Variants in MND1 observed in about 807,000 individuals in gnomAD.
The protein encoded by MND1 is meiotic nuclear divisions 1, also known as meiotic nuclear division protein 1 homolog.
MND1 carries 28 observed loss-of-function variants against 35.1 expected under a neutral mutation model. The observed-to-expected ratio is 0.80, with a 90% CI of 0.59 to 1.09. The LOEUF is 1.09. MND1 is among the 50% of genes least tolerant of loss of function. The pLI, the probability that MND1 is intolerant of heterozygous loss-of-function variation, is 0.00. For synonymous variants in MND1, 69 were observed against 70.5 expected (o/e 0.98, Z 0.11); for missense variants, 213 against 239.6 (o/e 0.89, Z 0.73).
intron 4 of MND1, among the ~76,000 whole-genome samples, chr4:153,375,324 T>G (rs1400188171): frequency 6.6e-6 from 1 of 152,156 alleles, no homozygotes; most frequent in Non-Finnish European, 1.5e-5. Flanking sequence ...TACACTTGCA[T>G]GAAGTACGTA....
chr4:153,370,288 A>G (rs980458192), intron 4 of MND1, among the ~76,000 whole-genome samples: 1 of 151,940 alleles, frequency 6.6e-6, no homozygotes, highest in African/African-American at 2.4e-5. Context: ...TCTCAAAAAA[A>G]GAAGCAATTT....
chr4:153,414,851 A>C lies in MND1; in HGVS notation c.612A>C (p.Ile204=). The change falls in exon 8 of 8, where the codon ATA becomes ATC. Residue 204 remains isoleucine, a synonymous_variant. Coordinates refer to ENST00000240488, the MANE Select transcript of MND1 (RefSeq NM_032117.4). Reference sequence around the variant, plus strand: ...GAATTCCAGAAGACTTTGACTACATAGACTAAAATATTCCATGGTGGTGAA... The same window carrying C: ...GAATTCCAGAAGACTTTGACTACATCGACTAAAATATTCCATGGTGGTGAA... ...TFGIPEDFDY[I]D 7.3e-7 allele frequency: 1 copy of C among 1,368,248 alleles called. No homozygotes were observed. The highest frequency in any genetic ancestry group is 1.4e-5 in the South Asian group (1 of 72,680). The allele number at this position is 1,368,248 out of a possible 1,614,324, so 84.8% of individuals were successfully genotyped here.
intron 4 of MND1, among the ~76,000 whole-genome samples, chr4:153,391,749 CAT>C (rs995141170): frequency 4.6e-5 from 7 of 151,650 alleles, no homozygotes; most frequent in East Asian, 3.9e-4. Context: ...CACACACACA[CAT>C]ACATACATAT....
intron 3 of MND1, among the ~76,000 whole-genome samples, chr4:153,357,983 C>G (rs1315606163): frequency 6.6e-6 from 1 of 152,132 alleles, no homozygotes; most frequent in African/African-American, 2.4e-5. Context: ...AGCACTGATG[C>G]TAGCATCTTC....
Position 153,344,758 on chromosome 4 carries a change from G to C in MND1, c.3+18G>C, listed in dbSNP as rs531084552. ...GCGCCATGGTAAGGACTGAGGCTAC[G>C]GTCCCGCGTCTTCTTCCTCCCTAGT... On this transcript the variant is annotated intron_variant, in intron 1 of 7. Coordinates refer to ENST00000240488, the MANE Select transcript of MND1 (RefSeq NM_032117.4). 7 of 1,600,694 alleles carry C rather than the reference G, an allele frequency of 4.4e-6. No individual in the cohort carries two copies. The South Asian group carries it at 6.7e-5, about 15-fold the overall frequency.
Position 153,397,259 on chromosome 4 carries a change from G to A in MND1, c.392G>A (p.Arg131Gln), listed in dbSNP as rs748702473. Residue 131 changes from arginine to glutamine, a missense_variant, in exon 6 of 8, where the codon CGA becomes CAA. By Grantham distance (43) the Arg-to-Gln change is conservative. Transcript: ENST00000240488. The stretch of plus-strand genomic sequence containing the variant: ...CTAGCAAAAGAGCTTTCTTCACTTC[G>A]AGACCAAAGGGAACAGCTAAAGGCA... ...TRLAKELSSL[R>Q]DQREQLKAEV... The A allele has an allele frequency of 6.8e-6, 11 of 1,612,256 alleles. No individual in the cohort carries two copies. Among genetic ancestry groups the A allele is most frequent in the East Asian group, 2.2e-5 (1 of 44,838 alleles).
At chr4:153,386,099 A>G (rs973975007) in intron 4 of MND1, among the ~76,000 whole-genome samples, 2 of 152,172 alleles carry the variant, frequency 1.3e-5, no homozygotes, top group Admixed American at 1.3e-4. Flanking sequence ...TAGGTCACCT[A>G]TGGGAAATCT....
chr4:153,396,911 T>TA (rs34372409), intron 5 of MND1, among the ~76,000 whole-genome samples: 31,307 of 152,056 alleles, frequency 0.21, 3,376 homozygotes, highest in South Asian at 0.23. Flanking sequence ...TTCTGTAACA[T>TA]ACAACGACAT....
chr4:153,381,799 G>A (rs1728715444), intron 4 of MND1: 1 of 139,910 alleles, frequency 7.1e-6, no homozygotes, highest in Non-Finnish European at 1.5e-5. Context: ...CTACTGATCA[G>A]CATGGGAGTT....
chr4:153,360,735 G>A (rs1773465061), intron 4 of MND1, among the ~76,000 whole-genome samples: 1 of 148,744 alleles, frequency 6.7e-6, no homozygotes, highest in Admixed American at 6.7e-5. Flanking sequence ...CTTGCTTTGT[G>A]TGTATATGTA....
At chr4:153,367,729 G>A (rs1193266074) in intron 4 of MND1, among the ~76,000 whole-genome samples, 1 of 152,142 alleles carries the variant, frequency 6.6e-6, no homozygotes, top group Non-Finnish European at 1.5e-5. Flanking sequence ...AGGTCATATG[G>A]TAACTCTGTG....
chr4:153,383,618 T>C (rs1474291452), intron 4 of MND1, among the ~76,000 whole-genome samples: 2 of 152,168 alleles, frequency 1.3e-5, no homozygotes, highest in East Asian at 3.8e-4. Context: ...AACTCTAGAC[T>C]AAAAAAGAGA....
chr4:153,411,153 A>G (rs189758165), intron 7 of MND1, among the ~76,000 whole-genome samples: 121 of 152,334 alleles, frequency 7.9e-4, no homozygotes, highest in Non-Finnish European at 1.2e-3. Flanking sequence ...TGTGACTTCA[A>G]TTATATCATA....
chr4:153,410,028 A>G (rs963490592), intron 7 of MND1, among the ~76,000 whole-genome samples: 2 of 152,164 alleles, frequency 1.3e-5, no homozygotes, highest in East Asian at 1.9e-4. Flanking sequence ...CTTTGAAGAG[A>G]ATCCAAGCTA....
chr4:153,347,607 T>A (rs922975128), intron 1 of MND1, among the ~76,000 whole-genome samples: 1 of 152,186 alleles, frequency 6.6e-6, no homozygotes, highest in Non-Finnish European at 1.5e-5. Context: ...CAAGTAAACA[T>A]CTTTTCAATG....
intron 4 of MND1, among the ~76,000 whole-genome samples, chr4:153,383,519 G>T (rs976619281): frequency 6.6e-6 from 1 of 152,138 alleles, no homozygotes; most frequent in Non-Finnish European, 1.5e-5. Context: ...TTCCTGTCTC[G>T]TTTACCTCCT....
chr4:153,352,474 T>G (rs1303576614), intron 2 of MND1, among the ~76,000 whole-genome samples: 2 of 152,200 alleles, frequency 1.3e-5, no homozygotes, highest in African/African-American at 4.8e-5. Context: ...TGTCTGTTTC[T>G]TCATCTCTTA....
At chr4:153,352,074 T>G (rs1349119618) in intron 2 of MND1, among the ~76,000 whole-genome samples, 1 of 152,160 alleles carries the variant, frequency 6.6e-6, no homozygotes, top group African/African-American at 2.4e-5. Context: ...TGACAACTCA[T>G]AGAGAGGGTA....
At chr4:153,362,900 C>T in intron 4 of MND1, 2 of 599,576 alleles carry the variant, frequency 3.3e-6, no homozygotes, top group Non-Finnish European at 4.2e-6. Flanking sequence ...GTTCCACCGC[C>T]TCATGTTTTA....
Sources: gnomAD v4.1 joint callset for allele counts (sites outside exome capture counted in the v4.1 genomes callset) on GRCh38, gnomAD v4.1.1 for gene constraint, MANE v1.5 for transcripts, NCBI Gene and HGNC (gene_info 2026-07-23, HGNC 2026-07-21) for gene names.